Variants in RTKN2 observed in about 807,000 individuals in gnomAD.
RTKN2 encodes the protein rhotekin 2.
Under a neutral mutation model 71.5 loss-of-function variants are expected in RTKN2, and 69 were observed. That is an observed-to-expected ratio of 0.96 (90% CI 0.79 to 1.18). The LOEUF (loss-of-function observed/expected upper bound fraction) is 1.18, where lower values mean the gene tolerates loss of function less well. Ranked by LOEUF, RTKN2 falls within the 50% of genes most tolerant of loss-of-function variation. The pLI is 0.00. For missense variants in RTKN2, 724 were observed against 719.7 expected, an observed-to-expected ratio of 1.01 and a Z score of -0.07; for synonymous variants, 236 against 236.5, an observed-to-expected ratio of 1.00 and a Z score of 0.02.
At position 62,249,508 on chromosome 10, in the gene RTKN2, C is replaced by T. The variant is rs1479772477; in HGVS notation, c.258-3451G>A. Among the ~76,000 whole-genome samples the T allele has an allele frequency of 2.0e-5, 3 of 152,050 alleles. No individual in the cohort carries two copies. In the East Asian group the frequency reaches 5.8e-4, roughly 29 times the overall value. ...TCTACTTTGTTCAGTGCTCTATCAC[C>T]AGTGCTTGGTATTCAGCTCAGTACA... On this transcript the variant is annotated intron_variant, in intron 2 of 11. Transcript: ENST00000373789.
chr10:62,264,491 A>G (rs921652949), intron 1 of RTKN2, among the ~76,000 whole-genome samples: 1 of 152,212 alleles, frequency 6.6e-6, no homozygotes, highest in African/African-American at 2.4e-5. Context: ...TTCTTCTTCA[A>G]TGTAATTAGC....
At chr10:62,202,737 T>C (rs1841469041) in intron 10 of RTKN2, among the ~76,000 whole-genome samples, 1 of 152,230 alleles carries the variant, frequency 6.6e-6, no homozygotes, top group Non-Finnish European at 1.5e-5. Flanking sequence ...CATTTCAGCA[T>C]GATAAATTAT....
rs1231294531 is a variant in RTKN2, at chr10:62,195,204, T to C, written c.*2704A>G. 25 of 977,610 alleles carry C rather than the reference T, an allele frequency of 2.6e-5. No individual in the cohort carries two copies. Among genetic ancestry groups the C allele is most frequent in the Non-Finnish European group, 2.8e-5 (23 of 822,986 alleles). The allele number at this position is 977,610 out of a possible 1,614,324, so 60.6% of individuals were successfully genotyped here. On this transcript the variant is annotated 3_prime_UTR_variant, in exon 12 of 12. Transcript: ENST00000373789. ...ATCAGAATTATCATATCATAAAATA[T>C]CTATTCTGTTTCCCCAATTATATTA...
chr10:62,221,075 T>C (rs537164744), intron 7 of RTKN2, among the ~76,000 whole-genome samples: 3 of 150,620 alleles, frequency 2.0e-5, no homozygotes, highest in East Asian at 3.9e-4. Context: ...AGGCATAAGA[T>C]ACAAGTAGTG....
At chr10:62,219,171 G>A (rs1841847794) in intron 7 of RTKN2, among the ~76,000 whole-genome samples, 1 of 152,116 alleles carries the variant, frequency 6.6e-6, no homozygotes, top group Non-Finnish European at 1.5e-5. Context: ...GCTAGAAATG[G>A]ATGATGGAGA....
At chr10:62,201,992 C>A (rs906827058) in intron 10 of RTKN2, among the ~76,000 whole-genome samples, 1 of 151,864 alleles carries the variant, frequency 6.6e-6, no homozygotes, top group African/African-American at 2.4e-5. Context: ...TATAGTGTTC[C>A]CAGTCAAAAT....
At chr10:62,238,730 T>G (rs1395450248) in intron 5 of RTKN2, 3 of 151,990 alleles carry the variant, frequency 2.0e-5, no homozygotes, top group Non-Finnish European at 2.9e-5. Context: ...ATACTATTAC[T>G]ATGAGACACT....
At chr10:62,199,708 G>C in intron 11 of RTKN2, 46 bp downstream of exon 11, 1 of 1,159,542 alleles carries the variant, frequency 8.6e-7, no homozygotes, top group Non-Finnish European at 1.3e-6. Flanking sequence ...TATGGACAAT[G>C]TTGTTTTTGT....
At chr10:62,218,996 C>CAAAACAAAAACA (rs6143947) in intron 7 of RTKN2, among the ~76,000 whole-genome samples, 110,584 of 151,468 alleles carry the variant, frequency 0.73, 40,631 homozygotes, top group East Asian at 0.9. Flanking sequence ...AAAAACAAAG[C>CAAAACAAAAACA]AAAACAAAAA....
At chr10:62,266,525 C>T (rs1273792060) in intron 1 of RTKN2, among the ~76,000 whole-genome samples, 3 of 136,146 alleles carry the variant, frequency 2.2e-5, no homozygotes, top group East Asian at 2.3e-4. Flanking sequence ...TTGTTAACAG[C>T]GGCCATTCTG....
intron 9 of RTKN2, among the ~76,000 whole-genome samples, chr10:62,210,102 T>C (rs1841630296): frequency 6.6e-6 from 1 of 152,184 alleles, no homozygotes; most frequent in South Asian, 2.1e-4. Flanking sequence ...CATTCCTTTT[T>C]CTAAAGAGAC....
intron 7 of RTKN2, among the ~76,000 whole-genome samples, chr10:62,219,540 A>G (rs1183326785): frequency 6.6e-6 from 1 of 152,168 alleles, no homozygotes; most frequent in Non-Finnish European, 1.5e-5. Flanking sequence ...TGACTTCAAG[A>G]GTGATGATGA....
chr10:62,262,585 T>A lies in RTKN2; in HGVS notation c.257+40A>T, dbSNP rs778976080. 5 of 1,327,324 alleles carry A rather than the reference T, an allele frequency of 3.8e-6. No individual in the cohort carries two copies. In the African/African-American group the frequency reaches 4.4e-5, roughly 12 times the overall value. The allele number at this position is 1,327,324 out of a possible 1,614,324, so 82.2% of individuals were successfully genotyped here. On this transcript the variant is annotated intron_variant, in intron 2 of 11. Transcript: ENST00000373789. ...TATACTGTGTTTTAAATTTACATAT[T>A]TAAGTACATTAAAAGCCACAGGTAA... is the stretch of plus-strand genomic sequence containing the variant.
chr10:62,209,174 A>T (rs1002660183), intron 9 of RTKN2, among the ~76,000 whole-genome samples: 1 of 152,150 alleles, frequency 6.6e-6, no homozygotes, highest in Admixed American at 6.5e-5. Context: ...AGGCTGAGGC[A>T]GGAGAATCGC....
chr10:62,263,909 C>G (rs898198121), intron 1 of RTKN2, among the ~76,000 whole-genome samples: 1 of 152,044 alleles, frequency 6.6e-6, no homozygotes, highest in African/African-American at 2.4e-5. Flanking sequence ...AAGTTTCACA[C>G]GCAACATTAA....
At chr10:62,244,894 T>G (rs548162754) in intron 3 of RTKN2, among the ~76,000 whole-genome samples, 5 of 152,320 alleles carry the variant, frequency 3.3e-5, no homozygotes, top group Middle Eastern at 6.8e-3. Context: ...CCGTCCTGTG[T>G]GATAATTTTG....
At chr10:62,229,691 G>A (rs183906696) in intron 6 of RTKN2, among the ~76,000 whole-genome samples, 31 of 152,308 alleles carry the variant, frequency 2.0e-4, no homozygotes, top group Admixed American at 1.4e-3. Context: ...TGTACTGGGT[G>A]CACTGGAGAG....
chr10:62,264,034 T>C (rs1842825424), intron 1 of RTKN2, among the ~76,000 whole-genome samples: 1 of 145,588 alleles, frequency 6.9e-6, no homozygotes, highest in Non-Finnish European at 1.5e-5. Flanking sequence ...GGTATGTCTA[T>C]TTCTAAAACA....
At chr10:62,218,121 G>T in intron 8 of RTKN2, 74 bp downstream of exon 8, 1 of 900,546 alleles carries the variant, frequency 1.1e-6, no homozygotes, top group Non-Finnish European at 1.8e-6. Flanking sequence ...AATATCAGAA[G>T]GTGAAACAAC....
Sources: gnomAD v4.1 joint callset for allele counts (sites outside exome capture counted in the v4.1 genomes callset) on GRCh38, gnomAD v4.1.1 for gene constraint, MANE v1.5 for transcripts, NCBI Gene and HGNC (gene_info 2026-07-23, HGNC 2026-07-21) for gene names.